Variants in TOM1L2 observed in about 807,000 individuals in gnomAD.
TOM1L2 encodes the protein TOM1-like protein 2.
TOM1L2 carries 31 observed loss-of-function variants against 67.9 expected under a neutral mutation model. That is an observed-to-expected ratio of 0.46 (90% CI 0.34 to 0.62). The LOEUF (loss-of-function observed/expected upper bound fraction) is 0.62. Among genes scored for constraint, TOM1L2 ranks in the 20% least tolerant of loss-of-function variants. The pLI is 0.01. For missense variants in TOM1L2, 606 were observed against 663.5 expected (o/e 0.91, Z 0.95); for synonymous variants, 256 against 254.0 (o/e 1.01, Z -0.07).
At chr17:17,897,923 T>C (rs988989243) in intron 3 of TOM1L2, among the ~76,000 whole-genome samples, 1 of 137,184 alleles carries the variant, frequency 7.3e-6, no homozygotes, top group Non-Finnish European at 1.6e-5. Flanking sequence ...GGAAGTTAAC[T>C]TTTTTTTTTT....
At chr17:17,857,921 A>G in intron 12 of TOM1L2, 2 of 1,410,642 alleles carry the variant, frequency 1.4e-6, no homozygotes, top group South Asian at 2.5e-5. Flanking sequence ...GTGGAAACAG[A>G]AAAGTCACTC....
At chr17:17,854,088 G>C (rs76770797) in intron 12 of TOM1L2, among the ~76,000 whole-genome samples, 3,855 of 152,290 alleles carry the variant, frequency 0.025, 138 homozygotes, top group African/African-American at 0.082. Context: ...CTTATATAAC[G>C]TAAGCTTAAA....
rs375792381 is a variant in TOM1L2, at chr17:17,847,609, T to C, written c.*26A>G. On this transcript the variant is annotated 3_prime_UTR_variant, in exon 15 of 15. Coordinates refer to ENST00000379504, the MANE Select transcript of TOM1L2 (RefSeq NM_001082968.2). ...ACGGGGTGCGAGCGGGGACCCGCCA[T>C]CTGGGGAGGCAAACCACAGAGCTGC... 15 of 1,584,434 alleles carry C rather than the reference T, an allele frequency of 9.5e-6. No homozygotes were observed. The highest frequency in any genetic ancestry group is 1.3e-5 in the African/African-American group (1 of 74,282).
intron 3 of TOM1L2, 52 bp from the exon 4 acceptor site, chr17:17,893,862 C>T (rs2038420562): frequency 6.3e-7 from 1 of 1,580,570 alleles, no homozygotes; most frequent in Non-Finnish European, 8.6e-7. Flanking sequence ...CTGGAGAAGA[C>T]ACTGGGAACT....
intron 6 of TOM1L2, 51 bp from the exon 7 acceptor site, chr17:17,879,794 G>T: frequency 7.1e-7 from 1 of 1,413,516 alleles, no homozygotes; most frequent in Non-Finnish European, 1.0e-6. Flanking sequence ...CAGTCAGCCT[G>T]CACTTGCAAT....
At chr17:17,884,582 G>C in intron 5 of TOM1L2, 52 bp downstream of exon 5, 2 of 1,609,002 alleles carry the variant, frequency 1.2e-6, no homozygotes, top group Non-Finnish European at 1.7e-6. Context: ...CAGCAGCTTG[G>C]CTCACCCGTT....
intron 7 of TOM1L2, chr17:17,871,971 C>T: frequency 1.0e-6 from 1 of 985,488 alleles, no homozygotes; most frequent in Non-Finnish European, 1.2e-6. Flanking sequence ...CCACTCTCCT[C>T]TGTTGTGAAT....
At chr17:17,909,416 A>T (rs967863352) in intron 1 of TOM1L2, among the ~76,000 whole-genome samples, 10 of 152,194 alleles carry the variant, frequency 6.6e-5, no homozygotes, top group Admixed American at 5.9e-4. Flanking sequence ...ATTCAGCCTT[A>T]AAAAGGAAGG....
chr17:17,946,560 G>A (rs183158250), intron 1 of TOM1L2, among the ~76,000 whole-genome samples: 2 of 151,880 alleles, frequency 1.3e-5, no homozygotes, highest in Non-Finnish European at 1.5e-5. Flanking sequence ...TTCCCATCTC[G>A]ATTCTGATAT....
At chr17:17,949,834 TTC>T (rs10553875) in intron 1 of TOM1L2, among the ~76,000 whole-genome samples, 1 of 151,652 alleles carries the variant, frequency 6.6e-6, no homozygotes, top group Non-Finnish European at 1.5e-5. Flanking sequence ...ACTGAATCTG[TTC>T]TCTCTCTCTA....
chr17:17,893,688 T>G lies in TOM1L2; in HGVS notation c.339A>C (p.Val113=). 6.2e-7 allele frequency: 1 copy of G among 1,614,184 alleles called. No homozygotes were observed. The highest frequency in any genetic ancestry group is 8.5e-7 in the Non-Finnish European group (1 of 1,180,022). ...GGATCAGAGCAAGCACTTTGTCCTG[T>G]ACAATGGTGGGAGGGTTGTTCTTGG... ...ISPKNNPPTI[V]QDKVLALIQA... Residue 113 remains valine (V), a synonymous_variant, in exon 4 of 15, where the codon GTA becomes GTC. Coordinates refer to ENST00000379504, the MANE Select transcript of TOM1L2 (RefSeq NM_001082968.2).
chr17:17,906,184 A>G (rs746711770), intron 2 of TOM1L2, among the ~76,000 whole-genome samples: 4 of 148,444 alleles, frequency 2.7e-5, no homozygotes, highest in African/African-American at 1.0e-4. Flanking sequence ...ACTGGAGTAC[A>G]GTGGCATGCT....
In TOM1L2 at chr17:17,866,433, A is replaced by G; in HGVS notation, c.961-14T>C. The G allele has an allele frequency of 1.9e-6, 3 of 1,584,548 alleles. No homozygotes were observed. The highest frequency in any genetic ancestry group is 2.6e-6 in the Non-Finnish European group (3 of 1,163,006). On this transcript the variant is annotated splice_polypyrimidine_tract_variant and intron_variant, in intron 9 of 14. Transcript: ENST00000379504. ...TTCATTCAGTACCTGTCAGAACATG[A>G]GATTGGCCATAAGCCCCAGAACCCT...
At chr17:17,891,390 G>C (rs997484950) in intron 4 of TOM1L2, among the ~76,000 whole-genome samples, 3 of 152,236 alleles carry the variant, frequency 2.0e-5, no homozygotes, top group African/African-American at 7.2e-5. Context: ...GAGCTGGAAA[G>C]TGTGGAGGGG....
chr17:17,847,860 G>A (rs2035736046), intron 14 of TOM1L2, 77 bp from the exon 15 acceptor site: 8 of 1,595,744 alleles, frequency 5.0e-6, no homozygotes, highest in Non-Finnish European at 6.9e-6. Context: ...CCACTCCCCA[G>A]CCCGTTTCCT....
intron 7 of TOM1L2, among the ~76,000 whole-genome samples, chr17:17,875,995 C>T (rs918497424): frequency 3.9e-5 from 6 of 152,188 alleles, no homozygotes; most frequent in African/African-American, 1.2e-4. Flanking sequence ...CTTGGAGAAA[C>T]GAGGAGGCCT....
Position 17,848,808 on chromosome 17 carries a change from C to A in TOM1L2, c.1375+15G>T, listed in dbSNP as rs750846831. ...GCAACAAAAGGGGGCTGTAAGGCCA[C>A]TGGCCAGGCCATACCTTCACTTGTG... On this transcript the variant is annotated intron_variant, in intron 14 of 14. Transcript: ENST00000379504. 17 of 1,613,858 alleles carry A rather than the reference C, an allele frequency of 1.1e-5. No homozygotes were observed. The highest frequency in any genetic ancestry group is 1.4e-5 in the Non-Finnish European group (17 of 1,179,938).
chr17:17,895,297 G>A (rs1415456624), intron 3 of TOM1L2, among the ~76,000 whole-genome samples: 1 of 152,128 alleles, frequency 6.6e-6, no homozygotes, highest in Non-Finnish European at 1.5e-5. Context: ...ACCAGCAACA[G>A]GGAACATTTC....
At chr17:17,912,631 G>A (rs1463542390) in intron 1 of TOM1L2, among the ~76,000 whole-genome samples, 4 of 151,666 alleles carry the variant, frequency 2.6e-5, no homozygotes, top group Admixed American at 6.6e-5. Context: ...ATGGGATGGC[G>A]GCCGGGAAGA....
Sources: allele counts gnomAD v4.1 joint callset (sites outside exome capture counted in the v4.1 genomes callset), GRCh38; gene constraint gnomAD v4.1.1; transcripts MANE v1.5; gene names NCBI Gene and HGNC (gene_info 2026-07-23, HGNC 2026-07-21).